The following EIF3H variants were observed in gnomAD, a reference collection of about 807,000 sequenced individuals.
The protein encoded by EIF3H is eukaryotic translation initiation factor 3 subunit H.
Under a neutral mutation model 44.2 loss-of-function variants are expected in EIF3H, and 26 were observed. That is an observed-to-expected ratio of 0.59 (90% CI 0.43 to 0.82). EIF3H has a LOEUF of 0.82. Among genes scored for constraint, EIF3H ranks in the 40% least tolerant of loss-of-function variants. EIF3H has a pLI of 0.00. For synonymous variants in EIF3H, 166 were observed against 151.9 expected (o/e 1.09, Z -0.68); for missense variants, 359 against 432.8 (o/e 0.83, Z 1.51).
chr8:116,712,633 A>G (rs897987503), intron 2 of EIF3H, among the ~76,000 whole-genome samples: 1 of 152,220 alleles, frequency 6.6e-6, no homozygotes, highest in Non-Finnish European at 1.5e-5. Flanking sequence ...TGAAAACACA[A>G]TTCTGAAACT....
chr8:116,704,873 T>G (rs1814440418), intron 2 of EIF3H, among the ~76,000 whole-genome samples: 1 of 152,208 alleles, frequency 6.6e-6, no homozygotes, highest in Non-Finnish European at 1.5e-5. Context: ...TCATAGATTG[T>G]ATGCAATGTG....
intron 2 of EIF3H, among the ~76,000 whole-genome samples, chr8:116,679,098 T>G (rs1334563507): frequency 7.5e-3 from 192 of 25,708 alleles, no homozygotes; most frequent in African/African-American, 0.023. Context: ...CCGGCCAGCC[T>G]CCCCGTCCGG....
intron 1 of EIF3H, among the ~76,000 whole-genome samples, chr8:116,744,005 T>C (rs1815186120): frequency 6.6e-6 from 1 of 151,516 alleles, no homozygotes; most frequent in Non-Finnish European, 1.5e-5. Flanking sequence ...CAGGCTTTGG[T>C]GATAGTTGAG....
At chr8:116,651,362 C>T (rs961516205) in intron 5 of EIF3H, among the ~76,000 whole-genome samples, 5 of 152,042 alleles carry the variant, frequency 3.3e-5, no homozygotes, top group South Asian at 2.1e-4. Context: ...CAGCTGGTTA[C>T]TACATTTACA....
At chr8:116,739,941 A>C (rs2130957085) in intron 1 of EIF3H, among the ~76,000 whole-genome samples, 1 of 152,292 alleles carries the variant, frequency 6.6e-6, no homozygotes, top group East Asian at 1.9e-4. Flanking sequence ...TCACAGACCA[A>C]CACTTTAGTA....
chr8:116,741,492 T>A (rs991871261), intron 1 of EIF3H, among the ~76,000 whole-genome samples: 4 of 152,188 alleles, frequency 2.6e-5, no homozygotes, highest in African/African-American at 9.7e-5. Flanking sequence ...CCTTAAAACA[T>A]CATTAAAGAC....
intron 2 of EIF3H, among the ~76,000 whole-genome samples, chr8:116,698,821 A>G (rs75856259): frequency 0.013 from 2,051 of 152,230 alleles, 55 homozygotes; most frequent in African/African-American, 0.047. Flanking sequence ...CCAATGGCTC[A>G]TTAGAGCAAG....
intron 2 of EIF3H, among the ~76,000 whole-genome samples, chr8:116,659,714 A>G (rs1813552626): frequency 6.6e-6 from 1 of 152,222 alleles, no homozygotes; most frequent in South Asian, 2.1e-4. Context: ...AAAGTATAGT[A>G]ATGACTATAA....
intron 2 of EIF3H, among the ~76,000 whole-genome samples, chr8:116,660,089 C>A (rs754810658): frequency 2.0e-5 from 3 of 152,092 alleles, no homozygotes; most frequent in Non-Finnish European, 4.4e-5. Flanking sequence ...TGGGGTTTCA[C>A]CATGTTGCCC....
At chr8:116,733,608 T>A (rs568568292) in intron 1 of EIF3H, among the ~76,000 whole-genome samples, 21 of 148,134 alleles carry the variant, frequency 1.4e-4, no homozygotes, top group African/African-American at 3.0e-4. Context: ...CTTTAAAATT[T>A]AAAAAAAAAA....
chr8:116,734,206 G>A, intron 1 of EIF3H: 4 of 448,418 alleles, frequency 8.9e-6, no homozygotes, highest in South Asian at 4.8e-5. Flanking sequence ...GAAAATTAAT[G>A]TGATTACAGA....
intron 2 of EIF3H, among the ~76,000 whole-genome samples, chr8:116,706,926 A>G (rs949570839): frequency 6.6e-6 from 1 of 152,212 alleles, no homozygotes; most frequent in African/African-American, 2.4e-5. Flanking sequence ...ATACATTTAA[A>G]GTGGGACAGG....
intron 2 of EIF3H, among the ~76,000 whole-genome samples, chr8:116,705,782 G>T (rs939564029): frequency 2.6e-5 from 4 of 152,022 alleles, no homozygotes; most frequent in Admixed American, 2.6e-4. Context: ...AGAAAAACTG[G>T]TGAAATCCAG....
intron 1 of EIF3H, among the ~76,000 whole-genome samples, chr8:116,735,820 C>G (rs1815026542): frequency 6.6e-6 from 1 of 150,442 alleles, no homozygotes; most frequent in South Asian, 2.1e-4. Flanking sequence ...AAAAACGTAA[C>G]ACAGCTAAAG....
intron 2 of EIF3H, among the ~76,000 whole-genome samples, chr8:116,708,145 T>C (rs1474893140): frequency 6.6e-6 from 1 of 152,262 alleles, no homozygotes; most frequent in East Asian, 1.9e-4. Context: ...GACGGTAACA[T>C]TCTTAGGTGT....
At chr8:116,739,567 G>C (rs906445490) in intron 1 of EIF3H, among the ~76,000 whole-genome samples, 1 of 152,196 alleles carries the variant, frequency 6.6e-6, no homozygotes, top group Admixed American at 6.5e-5. Flanking sequence ...GGAGAATGGT[G>C]TGAACCTGGG....
At chr8:116,688,204 A>C (rs1814110638) in intron 2 of EIF3H, among the ~76,000 whole-genome samples, 1 of 152,154 alleles carries the variant, frequency 6.6e-6, no homozygotes, top group Admixed American at 6.5e-5. Context: ...CTTCTACAGA[A>C]TATGCAATAT....
At chr8:116,677,994 C>T (rs995204916) in intron 2 of EIF3H, among the ~76,000 whole-genome samples, 1 of 152,208 alleles carries the variant, frequency 6.6e-6, no homozygotes, top group Non-Finnish European at 1.5e-5. Context: ...TTACAGCCCT[C>T]TCCCCCTTCC....
intron 2 of EIF3H, among the ~76,000 whole-genome samples, chr8:116,673,008 CA>C (rs1200483863): frequency 0.017 from 1,775 of 103,886 alleles, 13 homozygotes; most frequent in African/African-American, 0.039. Context: ...AATAAAATTA[CA>C]AAAAAAAAAA....
Sources: allele counts gnomAD v4.1 joint callset (sites outside exome capture counted in the v4.1 genomes callset), GRCh38; gene constraint gnomAD v4.1.1; transcripts MANE v1.5; gene names NCBI Gene and HGNC (gene_info 2026-07-23, HGNC 2026-07-21).